ROBO1: variants seen among roughly 807,000 people sequenced by gnomAD.
ROBO1 encodes the protein roundabout homolog 1.
Under a neutral mutation model 195.9 loss-of-function variants are expected in ROBO1, and 149 were observed. The observed-to-expected ratio is 0.76, with a 90% CI of 0.67 to 0.87. The LOEUF (loss-of-function observed/expected upper bound fraction) is 0.87. Among genes scored for constraint, ROBO1 ranks in the 40% least tolerant of loss-of-function variants. The pLI is 0.00. For missense variants in ROBO1, 1,933 were observed against 2,068.3 expected, an observed-to-expected ratio of 0.93 and a Z score of 1.27; for synonymous variants, 816 against 733.2, an observed-to-expected ratio of 1.11 and a Z score of -1.82.
At chr3:79,663,914 G>T (rs776216246) in intron 1 of ROBO1, among the ~76,000 whole-genome samples, 1 of 151,826 alleles carries the variant, frequency 6.6e-6, no homozygotes, top group Non-Finnish European at 1.5e-5. Flanking sequence ...TACACTAATT[G>T]GTTCAAATGC....
At chr3:79,710,846 G>A (rs2107226013) in intron 1 of ROBO1, among the ~76,000 whole-genome samples, 1 of 152,234 alleles carries the variant, frequency 6.6e-6, no homozygotes, top group Middle Eastern at 3.4e-3. Context: ...AGTAAATCTT[G>A]TAAAGTTAGT....
At chr3:79,422,418 G>C (rs2038264346) in intron 2 of ROBO1, among the ~76,000 whole-genome samples, 1 of 151,882 alleles carries the variant, frequency 6.6e-6, no homozygotes, top group Admixed American at 6.6e-5. Flanking sequence ...TGCGAATGCT[G>C]TTAGTAATAT....
intron 8 of ROBO1, among the ~76,000 whole-genome samples, chr3:78,695,225 A>C (rs954001046): frequency 2.0e-5 from 3 of 152,090 alleles, no homozygotes; most frequent in Admixed American, 6.6e-5. Context: ...ATATGTAACA[A>C]ACCTGCACGT....
At chr3:78,743,051 A>C (rs567678042) in intron 5 of ROBO1, among the ~76,000 whole-genome samples, 1 of 152,352 alleles carries the variant, frequency 6.6e-6, no homozygotes, top group Non-Finnish European at 1.5e-5. Context: ...TGTCACAAAA[A>C]ATTAACACAT....
chr3:79,140,999 A>G (rs971762050), intron 2 of ROBO1, among the ~76,000 whole-genome samples: 2 of 152,196 alleles, frequency 1.3e-5, no homozygotes, highest in African/African-American at 4.8e-5. Context: ...TTTATTTCCT[A>G]AGAAAAATAA....
In ROBO1 at chr3:79,585,629, T is replaced by A. The variant is rs903464578; in HGVS notation, c.88+4195A>T. ...GTCATGGAAATCTGTCCTCAGAGAA[T>A]AAACATTCTTTAAGTGTACTCAACA... On this transcript the variant is annotated intron_variant, in intron 2 of 30. Transcript: ENST00000464233. Among the ~76,000 whole-genome samples, 5 of 151,970 alleles carry A rather than the reference T, an allele frequency of 3.3e-5. No homozygotes were observed. In the East Asian group the frequency reaches 9.7e-4, roughly 29 times the overall value.
At chr3:79,387,669 A>G (rs2036802680) in intron 2 of ROBO1, among the ~76,000 whole-genome samples, 1 of 148,826 alleles carries the variant, frequency 6.7e-6, no homozygotes, top group Admixed American at 6.8e-5. Context: ...AAATAAATAT[A>G]AAACAAATAT....
intron 4 of ROBO1, among the ~76,000 whole-genome samples, chr3:78,835,012 G>A (rs1166407636): frequency 6.6e-6 from 1 of 152,034 alleles, no homozygotes; most frequent in Non-Finnish European, 1.5e-5. Flanking sequence ...ATTTAAATTT[G>A]TTTTACTAGT....
intron 2 of ROBO1, among the ~76,000 whole-genome samples, chr3:79,520,820 C>T (rs1941176168): frequency 2.0e-5 from 3 of 151,328 alleles, no homozygotes; most frequent in Admixed American, 2.0e-4. Flanking sequence ...GAAACACTAA[C>T]CTAGAAGCAA....
At chr3:79,014,111 ACTAT>A (rs1471899265) in intron 3 of ROBO1, among the ~76,000 whole-genome samples, 1 of 152,174 alleles carries the variant, frequency 6.6e-6, no homozygotes, top group Non-Finnish European at 1.5e-5. Flanking sequence ...AAAACTGCAA[ACTAT>A]CTAGTTCTTT....
intron 1 of ROBO1, among the ~76,000 whole-genome samples, chr3:79,701,369 A>G (rs940703951): frequency 4.0e-5 from 6 of 151,514 alleles, no homozygotes; most frequent in African/African-American, 1.5e-4. Context: ...AAAAAATGAT[A>G]TCCTTTTTTC....
chr3:78,742,345 G>A (rs193243360), intron 5 of ROBO1, among the ~76,000 whole-genome samples: 2 of 151,810 alleles, frequency 1.3e-5, no homozygotes, highest in African/African-American at 2.4e-5. Context: ...GAAGAATCAC[G>A]TACAATGACT....
chr3:79,335,993 C>A lies in ROBO1; in HGVS notation c.89-210454G>T, dbSNP rs571745016. Among the ~76,000 whole-genome samples the A allele has an allele frequency of 3.3e-5, 5 of 152,272 alleles. No individual in the cohort carries two copies. In the South Asian group the frequency reaches 1.0e-3, roughly 32 times the overall value. On this transcript the variant is annotated intron_variant, in intron 2 of 30. Coordinates refer to ENST00000464233, the MANE Select transcript of ROBO1 (RefSeq NM_002941.4). ...TGTGCTTTAGCAAAGAGACTGGTGA[C>A]ATTTTTCCCCTGCCCTAGATATGTA...
At chr3:78,686,118 C>A (rs1185829247) in intron 9 of ROBO1, among the ~76,000 whole-genome samples, 1 of 152,074 alleles carries the variant, frequency 6.6e-6, no homozygotes, top group Non-Finnish European at 1.5e-5. Context: ...CATGTCCATG[C>A]ATGTAAATAT....
At chr3:79,057,917 T>C (rs905422408) in intron 3 of ROBO1, among the ~76,000 whole-genome samples, 2 of 152,038 alleles carry the variant, frequency 1.3e-5, no homozygotes, top group Non-Finnish European at 2.9e-5. Context: ...AATGTTACTA[T>C]GGGTTACAGA....
chr3:79,295,474 C>A (rs995531695), intron 2 of ROBO1, among the ~76,000 whole-genome samples: 1 of 152,040 alleles, frequency 6.6e-6, no homozygotes, highest in African/African-American at 2.4e-5. Flanking sequence ...GGAGGAATAG[C>A]ATTAGGAGAA....
intron 1 of ROBO1, among the ~76,000 whole-genome samples, chr3:79,694,696 C>A (rs1001705842): frequency 1.3e-5 from 2 of 151,678 alleles, no homozygotes; most frequent in Non-Finnish European, 2.9e-5. Flanking sequence ...CTTTTTAAAG[C>A]CATGTTCATT....
At chr3:79,273,324 A>G (rs555892147) in intron 2 of ROBO1, among the ~76,000 whole-genome samples, 2 of 152,224 alleles carry the variant, frequency 1.3e-5, no homozygotes, top group African/African-American at 4.8e-5. Context: ...ATAATGTAAT[A>G]AGATATAAAT....
chr3:79,549,579 T>G (rs1942399820), intron 2 of ROBO1, among the ~76,000 whole-genome samples: 1 of 152,214 alleles, frequency 6.6e-6, no homozygotes, highest in Non-Finnish European at 1.5e-5. Context: ...AACAACAACT[T>G]ACATAGCATT....
Sources: allele counts gnomAD v4.1 joint callset (sites outside exome capture counted in the v4.1 genomes callset), GRCh38; gene constraint gnomAD v4.1.1; transcripts MANE v1.5; gene names NCBI Gene and HGNC (gene_info 2026-07-23, HGNC 2026-07-21).